XPO7: variants seen among roughly 807,000 people sequenced by gnomAD.
The protein encoded by XPO7 is exportin 7.
A neutral mutation model predicts 144.3 loss-of-function variants in XPO7; 21 were observed. The observed-to-expected ratio is 0.15, with a 90% confidence interval of 0.10 to 0.21. The LOEUF is 0.21. Among genes scored for constraint, XPO7 ranks in the 10% least tolerant of loss-of-function variants. XPO7 has a pLI of 1.00. For missense variants in XPO7, 808 were observed against 1,325.8 expected, an observed-to-expected ratio of 0.61 and a Z score of 6.06; for synonymous variants, 580 against 499.6, an observed-to-expected ratio of 1.16 and a Z score of -2.15.
chr8:21,987,971 G>T, intron 15 of XPO7, 114 bp downstream of exon 15: 2 of 1,168,312 alleles, frequency 1.7e-6, no homozygotes, highest in South Asian at 3.0e-5. Flanking sequence ...GATCGTTTGC[G>T]TCAGAAAATT....
chr8:21,952,487 T>A lies in XPO7; in HGVS notation c.19-14370T>A, dbSNP rs141205396. Among the ~76,000 whole-genome samples, 16 of 152,336 alleles carry A rather than the reference T, an allele frequency of 1.1e-4. No individual in the cohort carries two copies. The East Asian group carries it at 2.9e-3, about 28-fold the overall frequency. ...GCAAACTAAAGTATACTTTGCTGAC[T>A]TATCTGTAGAGACATATGTTTGGAT... On this transcript the variant is annotated intron_variant, in intron 1 of 27. Coordinates refer to ENST00000252512, the MANE Select transcript of XPO7 (RefSeq NM_015024.5).
intron 5 of XPO7, among the ~76,000 whole-genome samples, chr8:21,973,361 C>T (rs924931989): frequency 1.3e-5 from 2 of 152,152 alleles, no homozygotes; most frequent in Non-Finnish European, 2.9e-5. Context: ...TTTTGTGTAG[C>T]ATTTAGTGTG....
intron 1 of XPO7, among the ~76,000 whole-genome samples, chr8:21,927,680 G>T (rs1458130345): frequency 6.6e-6 from 1 of 151,924 alleles, no homozygotes; most frequent in African/African-American, 2.4e-5. Flanking sequence ...CAAGTAGCTG[G>T]GATTACAGGC....
At chr8:21,946,577 A>AAC (rs1313616489) in intron 1 of XPO7, among the ~76,000 whole-genome samples, 1 of 97,270 alleles carries the variant, frequency 1.0e-5, no homozygotes, top group Non-Finnish European at 2.1e-5. Context: ...TAGAACTGAA[A>AAC]AAAAAAAACA....
Position 21,937,175 on chromosome 8 carries a change from T to C in XPO7, c.18+17387T>C, listed in dbSNP as rs141438906. On this transcript the variant is annotated intron_variant, in intron 1 of 27. Transcript: ENST00000252512. ...AGTGTTTAGATTAACGAGTAATTTATATAATCAATGGTAGATATGACCACC... is the reference window on the plus strand; with the variant it reads ...AGTGTTTAGATTAACGAGTAATTTACATAATCAATGGTAGATATGACCACC... Among the ~76,000 whole-genome samples, 13 of 152,362 alleles carry C rather than the reference T, an allele frequency of 8.5e-5. No individual in the cohort carries two copies. The East Asian group carries it at 2.5e-3, about 29-fold the overall frequency.
At chr8:21,970,750 C>T (rs1285668687) in intron 4 of XPO7, among the ~76,000 whole-genome samples, 2 of 152,048 alleles carry the variant, frequency 1.3e-5, no homozygotes, top group African/African-American at 4.8e-5. Context: ...ATGATGTTTT[C>T]GTCAACAGTA....
At chr8:21,976,328 G>A (rs752029177) in intron 6 of XPO7, 28 bp from the exon 7 acceptor site, 2 of 1,604,490 alleles carry the variant, frequency 1.2e-6, no homozygotes, top group Non-Finnish European at 1.7e-6. Flanking sequence ...AGTGATTTTG[G>A]GGACTCATTA....
intron 16 of XPO7, 118 bp downstream of exon 16, chr8:21,989,201 C>A: frequency 1.0e-6 from 1 of 960,270 alleles, no homozygotes; most frequent in Non-Finnish European, 1.5e-6. Context: ...CACATATCTT[C>A]CATTTTCCTA....
At chr8:21,973,119 A>G (rs1330781182) in intron 5 of XPO7, among the ~76,000 whole-genome samples, 1 of 152,238 alleles carries the variant, frequency 6.6e-6, no homozygotes, top group Non-Finnish European at 1.5e-5. Flanking sequence ...TTCACAAGCA[A>G]CAGATGTGAT....
In XPO7 at chr8:21,999,321, C is replaced by T. The variant is rs775597315; in HGVS notation, c.2643+16C>T. ...TGATCTCTTGGTAAGCCTTACGCTG[C>T]ATTGCCACAATCTTGTTCCTCATCA... On this transcript the variant is annotated intron_variant, in intron 23 of 27. Transcript: ENST00000252512. The T allele has an allele frequency of 3.1e-6, 5 of 1,611,790 alleles. No homozygotes were observed. In the South Asian group the frequency reaches 4.4e-5, roughly 14 times the overall value.
At chr8:21,954,836 A>G (rs1811483824) in intron 1 of XPO7, among the ~76,000 whole-genome samples, 1 of 152,194 alleles carries the variant, frequency 6.6e-6, no homozygotes, top group African/African-American at 2.4e-5. Context: ...TCTGAACTTT[A>G]GAAGTCAGTT....
chr8:21,948,930 A>T (rs1023806834), intron 1 of XPO7, among the ~76,000 whole-genome samples: 7 of 152,216 alleles, frequency 4.6e-5, no homozygotes, highest in African/African-American at 1.7e-4. Context: ...GAGCATAGCT[A>T]CTGAATGTAT....
intron 20 of XPO7, 99 bp from the exon 21 acceptor site, chr8:21,995,393 T>C: frequency 1.1e-6 from 1 of 927,846 alleles, no homozygotes; most frequent in Non-Finnish European, 1.6e-6. Flanking sequence ...CTTAAAGAAC[T>C]GTAGTTTGAC....
intron 5 of XPO7, among the ~76,000 whole-genome samples, chr8:21,974,139 G>A (rs1812152027): frequency 6.6e-6 from 1 of 152,084 alleles, no homozygotes; most frequent in African/African-American, 2.4e-5. Context: ...CTGGGCTCCA[G>A]GCCCTCCTGA....
intron 21 of XPO7, among the ~76,000 whole-genome samples, chr8:21,995,955 A>G (rs1287062938): frequency 6.6e-6 from 1 of 152,088 alleles, no homozygotes; most frequent in African/African-American, 2.4e-5. Context: ...AGCTGGGACT[A>G]CAGGCACCCG....
chr8:21,990,623 C>A (rs1812740287), intron 17 of XPO7, 188 bp from the exon 18 acceptor site: 1 of 703,738 alleles, frequency 1.4e-6, no homozygotes. Context: ...TACTGCTACT[C>A]ATACTGCAGA....
intron 1 of XPO7, among the ~76,000 whole-genome samples, chr8:21,948,433 G>T (rs749193442): frequency 6.6e-6 from 1 of 152,182 alleles, no homozygotes; most frequent in Non-Finnish European, 1.5e-5. Flanking sequence ...TATAGCTTAG[G>T]TGTATTGCAG....
chr8:21,946,909 G>A (rs1811212674), intron 1 of XPO7, among the ~76,000 whole-genome samples: 1 of 152,210 alleles, frequency 6.6e-6, no homozygotes, highest in South Asian at 2.1e-4. Context: ...AAAGAGAAAA[G>A]TGAATGTCAG....
chr8:21,948,764 A>G (rs1263011038), intron 1 of XPO7, among the ~76,000 whole-genome samples: 1 of 152,232 alleles, frequency 6.6e-6, no homozygotes, highest in Non-Finnish European at 1.5e-5. Context: ...TATCAAAAGC[A>G]TCTATGCCAG....
Sources: gnomAD v4.1 joint callset for allele counts (sites outside exome capture counted in the v4.1 genomes callset) on GRCh38, gnomAD v4.1.1 for gene constraint, MANE v1.5 for transcripts, NCBI Gene and HGNC (gene_info 2026-07-23, HGNC 2026-07-21) for gene names.